The following GLDC variants were observed in gnomAD, a reference collection of about 807,000 sequenced individuals.
The protein encoded by GLDC is glycine dehydrogenase (decarboxylating), mitochondrial.
GLDC carries 104 observed loss-of-function variants against 121.3 expected under a neutral mutation model. That is an observed-to-expected ratio of 0.86 (90% CI 0.73 to 1.01). The LOEUF is 1.01. Among genes scored for constraint, GLDC ranks in the 50% least tolerant of loss-of-function variants. The pLI, the probability that GLDC is intolerant of heterozygous loss-of-function variation, is 0.00. For missense variants in GLDC, 1,429 were observed against 1,306.6 expected, an observed-to-expected ratio of 1.09 and a Z score of -1.44; for synonymous variants, 546 against 480.6, an observed-to-expected ratio of 1.14 and a Z score of -1.78.
Position 6,570,100 on chromosome 9 carries a change from A to G in GLDC, c.1851-4671T>C, listed in dbSNP as rs186860791. 2.4e-3 allele frequency among the ~76,000 whole-genome samples: 362 copies of G among 152,336 alleles called. 5 individuals carry two copies. The highest frequency in any genetic ancestry group is 4.3e-4 in the Non-Finnish European group (29 of 68,024). Reference sequence around the variant, plus strand: ...GTAGCTGCATGCTTTTTATATATGCAAAAAGTAACATGAAACCCATTTTGC... The same window carrying G: ...GTAGCTGCATGCTTTTTATATATGCGAAAAGTAACATGAAACCCATTTTGC... On this transcript the variant is annotated intron_variant, in intron 15 of 24. Transcript: ENST00000321612.
intron 2 of GLDC, among the ~76,000 whole-genome samples, chr9:6,643,418 C>T (rs1819668586): frequency 1.4e-5 from 2 of 145,792 alleles, no homozygotes; most frequent in Admixed American, 6.9e-5. Context: ...TTGCCATCTG[C>T]ACACTAGATC....
chr9:6,539,397 T>G (rs1364994879), intron 22 of GLDC, among the ~76,000 whole-genome samples: 1 of 152,110 alleles, frequency 6.6e-6, no homozygotes, highest in Non-Finnish European at 1.5e-5. Flanking sequence ...GAGAATCACT[T>G]GAACCCAGGA....
chr9:6,630,565 C>A (rs1311364161), intron 2 of GLDC, among the ~76,000 whole-genome samples: 1 of 152,144 alleles, frequency 6.6e-6, no homozygotes, highest in Non-Finnish European at 1.5e-5. Flanking sequence ...CCAATGTCAC[C>A]AGTTTGAGAA....
At chr9:6,606,564 A>C in intron 5 of GLDC, 28 bp downstream of exon 5, 1 of 1,295,904 alleles carries the variant, frequency 7.7e-7, no homozygotes, top group Non-Finnish European at 1.1e-6. Context: ...CATTATACTG[A>C]GTTTAAAACA....
chr9:6,581,342 C>A (rs892080457), intron 15 of GLDC, among the ~76,000 whole-genome samples: 1 of 152,184 alleles, frequency 6.6e-6, no homozygotes, highest in Non-Finnish European at 1.5e-5. Context: ...CTAATACAAC[C>A]TTTTCCAGCT....
At chr9:6,627,073 A>G (rs971244643) in intron 2 of GLDC, among the ~76,000 whole-genome samples, 4 of 152,240 alleles carry the variant, frequency 2.6e-5, no homozygotes, top group Non-Finnish European at 4.4e-5. Context: ...AGGCGGGTGG[A>G]TCACAAGATC....
At chr9:6,640,770 G>T (rs573899777) in intron 2 of GLDC, among the ~76,000 whole-genome samples, 1 of 152,112 alleles carries the variant, frequency 6.6e-6, no homozygotes, top group Non-Finnish European at 1.5e-5. Flanking sequence ...ACACAGCGAG[G>T]CATACCATAG....
At chr9:6,535,655 C>T (rs1368977484) in intron 23 of GLDC, among the ~76,000 whole-genome samples, 1 of 152,158 alleles carries the variant, frequency 6.6e-6, no homozygotes, top group Non-Finnish European at 1.5e-5. Flanking sequence ...TTTTCCCCAA[C>T]ATGGGGCATA....
intron 14 of GLDC, among the ~76,000 whole-genome samples, 164 bp downstream of exon 14, chr9:6,588,237 A>G (rs1818308497): frequency 6.6e-6 from 1 of 152,226 alleles, no homozygotes; most frequent in Non-Finnish European, 1.5e-5. Context: ...CGTGAGAAAT[A>G]CAGGGTTACT....
intron 21 of GLDC, among the ~76,000 whole-genome samples, chr9:6,545,475 G>A (rs1329869102): frequency 6.6e-6 from 1 of 152,126 alleles, no homozygotes; most frequent in Admixed American, 6.5e-5. Context: ...GGAGCTTGCA[G>A]GGCTGAAGTT....
At chr9:6,593,774 C>T (rs751941789) in intron 9 of GLDC, among the ~76,000 whole-genome samples, 20 of 151,008 alleles carry the variant, frequency 1.3e-4, no homozygotes, top group Non-Finnish European at 2.1e-4. Flanking sequence ...CACACTGCAA[C>T]CTCCGCCTCC....
chr9:6,640,392 G>A (rs758254264), intron 2 of GLDC, among the ~76,000 whole-genome samples: 4 of 152,202 alleles, frequency 2.6e-5, no homozygotes, highest in East Asian at 1.9e-4. Context: ...TCGTGGCCTC[G>A]GCCTGGGGAA....
At chr9:6,578,570 C>T (rs1412914565) in intron 15 of GLDC, among the ~76,000 whole-genome samples, 1 of 151,788 alleles carries the variant, frequency 6.6e-6, no homozygotes, top group Admixed American at 6.6e-5. Flanking sequence ...AACAGAGTCT[C>T]ACTCTGTTGT....
chr9:6,566,406 A>T (rs1412525173), intron 15 of GLDC: 2 of 151,976 alleles, frequency 1.3e-5, no homozygotes, highest in East Asian at 3.9e-4. Flanking sequence ...ACAAATCATC[A>T]CTCTATAATT....
intron 21 of GLDC, among the ~76,000 whole-genome samples, chr9:6,542,977 G>C (rs1312571968): frequency 6.6e-6 from 1 of 151,072 alleles, no homozygotes. Context: ...ATAGTAAGTG[G>C]AATGTTCAAG....
intron 15 of GLDC, among the ~76,000 whole-genome samples, chr9:6,580,518 CAAATCTGAA>C (rs1410055503): frequency 6.6e-6 from 1 of 152,124 alleles, no homozygotes; most frequent in African/African-American, 2.4e-5. Flanking sequence ...CGTAAGCTGT[CAAATCTGAA>C]GCCCTCTAAT....
intron 3 of GLDC, among the ~76,000 whole-genome samples, chr9:6,611,726 C>A (rs937324821): frequency 6.6e-6 from 1 of 152,116 alleles, no homozygotes; most frequent in African/African-American, 2.4e-5. Flanking sequence ...GTGATGAATT[C>A]TTTGGAACAT....
Position 6,532,996 on chromosome 9 carries a change from T to C in GLDC, c.*21A>G. On this transcript the variant is annotated 3_prime_UTR_variant, in exon 25 of 25. Transcript: ENST00000321612. ...CTGGGGAGAGGCATCAAATCAGTCC[T>C]TTAAACTTAGGGACAGAGGACTAAG... The C allele has an allele frequency of 6.3e-7, 1 of 1,579,382 alleles. No homozygotes were observed. Among genetic ancestry groups the C allele is most frequent in the South Asian group, 1.1e-5 (1 of 90,228 alleles).
At chr9:6,614,401 A>G (rs553439006) in intron 3 of GLDC, among the ~76,000 whole-genome samples, 2 of 151,382 alleles carry the variant, frequency 1.3e-5, no homozygotes, top group South Asian at 4.2e-4. Flanking sequence ...CGCCCAGCTA[A>G]TTTTTATATT....
Sources: allele counts gnomAD v4.1 joint callset (sites outside exome capture counted in the v4.1 genomes callset), GRCh38; gene constraint gnomAD v4.1.1; transcripts MANE v1.5; gene names NCBI Gene and HGNC (gene_info 2026-07-23, HGNC 2026-07-21).